Variants in VPS13B observed in about 807,000 individuals in gnomAD.
The protein encoded by VPS13B is vacuolar protein sorting 13 homolog B.
In VPS13B, 285 loss-of-function variants were observed where a neutral mutation model predicts 426.4. The ratio of observed to expected loss-of-function variants is 0.67; its 90% confidence interval spans 0.61 to 0.74. The LOEUF is 0.74. VPS13B is among the 30% of genes least tolerant of loss of function. The pLI, the probability that VPS13B is intolerant of heterozygous loss-of-function variation, is 0.00. For synonymous variants in VPS13B, 1,676 were observed against 1,676.4 expected, an observed-to-expected ratio of 1.00 and a Z score of 0.01; for missense variants, 4,537 against 4,782.6, an observed-to-expected ratio of 0.95 and a Z score of 1.51.
intron 3 of VPS13B, among the ~76,000 whole-genome samples, chr8:99,081,541 C>G (rs1845457540): frequency 6.6e-6 from 1 of 150,910 alleles, no homozygotes. Context: ...CGTCATTTAA[C>G]ATTAGGTATA....
chr8:99,474,899 A>G (rs1019178287), intron 24 of VPS13B, among the ~76,000 whole-genome samples: 1 of 152,216 alleles, frequency 6.6e-6, no homozygotes, highest in East Asian at 1.9e-4. Context: ...ACAGATGTAT[A>G]TAGCAGCTTT....
Position 99,778,987 on chromosome 8 carries a change from C to T in VPS13B, c.7735C>T (p.His2579Tyr), listed in dbSNP as rs1811879561. 6.2e-7 allele frequency: 1 copy of T among 1,613,678 alleles called. No individual in the cohort carries two copies. ...TTCTGTATTTGTAAACCTTGGACAG[C>T]ATGTAGTCCATTCACTAAACACTGC... ...VDSVFVNLGQ[H>Y]VVHSLNTAIQ... Residue 2579 changes from histidine (H) to tyrosine (Y), a missense_variant, in exon 42 of 62, where the codon CAT becomes TAT. Transcript: ENST00000357162.
At chr8:99,464,049 CAGCAATTTTGGCCTATTTATGTT>C (rs112122867) in intron 23 of VPS13B, among the ~76,000 whole-genome samples, 9,884 of 152,132 alleles carry the variant, frequency 0.065, 439 homozygotes, top group African/African-American at 0.12. Flanking sequence ...TAAACACTCT[CAGCAATTTTGGCCTATTTATGTT>C]TGTAGTACAT....
intron 19 of VPS13B, among the ~76,000 whole-genome samples, chr8:99,282,552 T>G (rs1819222498): frequency 6.6e-6 from 1 of 152,202 alleles, no homozygotes; most frequent in Non-Finnish European, 1.5e-5. Context: ...TCTATGAAAT[T>G]TCACCTAATT....
chr8:99,697,947 T>G, intron 35 of VPS13B: 1 of 418,208 alleles, frequency 2.4e-6, no homozygotes, highest in East Asian at 6.0e-5. Context: ...GCCAAGATTG[T>G]AGCGACCTTG....
In VPS13B at chr8:99,871,468, G is replaced by A. The variant is rs767465682; in HGVS notation, c.11516G>A (p.Gly3839Asp). Residue 3839 changes from glycine to aspartate, a missense_variant, in exon 61 of 62, where the codon GGC becomes GAC. Gly to Asp is a moderately conservative substitution (Grantham distance 94). This residue lies in a region of VPS13B where 4,311 missense variants were observed against 4,474.3 expected (regional missense o/e 0.96). Transcript: ENST00000357162. ...KYVWKMLQSL[G>D]RPEVHMALDV... Reference sequence around the variant, plus strand: ...AACAGGAAAATGCTTCAGTCTCTGGGCAGACCAGAAGTCCACATGGCCCTG... The same window carrying A: ...AACAGGAAAATGCTTCAGTCTCTGGACAGACCAGAAGTCCACATGGCCCTG... The A allele has an allele frequency of 6.2e-7, 1 of 1,614,190 alleles. No homozygotes were observed. The highest frequency in any genetic ancestry group is 1.1e-5 in the South Asian group (1 of 91,088).
At chr8:99,014,475 T>TA (rs1295281614) in intron 2 of VPS13B, among the ~76,000 whole-genome samples, 1 of 152,100 alleles carries the variant, frequency 6.6e-6, no homozygotes, top group Non-Finnish European at 1.5e-5. Flanking sequence ...TGGGATTACT[T>TA]AAAGTTGCTT....
intron 19 of VPS13B, among the ~76,000 whole-genome samples, chr8:99,375,967 G>A (rs1208694876): frequency 6.6e-6 from 1 of 152,192 alleles, no homozygotes; most frequent in Non-Finnish European, 1.5e-5. Context: ...CAAGAGGCAT[G>A]TATGTTTAAT....
At chr8:99,286,930 T>C (rs955101039) in intron 19 of VPS13B, among the ~76,000 whole-genome samples, 4 of 152,140 alleles carry the variant, frequency 2.6e-5, no homozygotes, top group African/African-American at 9.6e-5. Flanking sequence ...TTGATAATTC[T>C]GGGATAATTC....
At chr8:99,022,866 C>A (rs189893440) in intron 2 of VPS13B, among the ~76,000 whole-genome samples, 3 of 150,922 alleles carry the variant, frequency 2.0e-5, no homozygotes, top group African/African-American at 7.3e-5. Context: ...GAAAAGTGTC[C>A]CTCTTTTTTT....
chr8:99,742,012 T>C (rs1355176336), intron 39 of VPS13B, among the ~76,000 whole-genome samples: 4 of 152,072 alleles, frequency 2.6e-5, no homozygotes, highest in Non-Finnish European at 4.4e-5. Context: ...CAAAAAACCC[T>C]TCAGAAAATC....
chr8:99,143,757 A>C (rs1810555852), intron 13 of VPS13B, among the ~76,000 whole-genome samples: 1 of 152,222 alleles, frequency 6.6e-6, no homozygotes, highest in Admixed American at 6.5e-5. Context: ...AGTATCCTTA[A>C]GAAATTTAAT....
chr8:99,297,456 G>T (rs1820104411), intron 19 of VPS13B, among the ~76,000 whole-genome samples: 2 of 152,046 alleles, frequency 1.3e-5, no homozygotes, highest in Non-Finnish European at 1.5e-5. Flanking sequence ...TTAAATAATT[G>T]TTATATGAAT....
intron 16 of VPS13B, among the ~76,000 whole-genome samples, chr8:99,178,875 G>T (rs1227932113): frequency 2.6e-5 from 4 of 152,048 alleles, no homozygotes. Flanking sequence ...ACCCGCCTCG[G>T]CCTCCCAAAG....
At chr8:99,156,503 C>G (rs764560226) in intron 14 of VPS13B, 46 bp from the exon 15 acceptor site, 1 of 1,596,812 alleles carries the variant, frequency 6.3e-7, no homozygotes, top group Non-Finnish European at 8.6e-7. Flanking sequence ...GCAACTCAGT[C>G]ACTGCTCCAC....
chr8:99,025,096 A>G (rs1842069531), intron 2 of VPS13B, among the ~76,000 whole-genome samples: 1 of 151,954 alleles, frequency 6.6e-6, no homozygotes, highest in South Asian at 2.1e-4. Context: ...CTAGTTTGTT[A>G]TCGTTGTATG....
intron 22 of VPS13B, among the ~76,000 whole-genome samples, chr8:99,432,189 C>T (rs943087217): frequency 6.6e-6 from 1 of 151,970 alleles, no homozygotes; most frequent in Non-Finnish European, 1.5e-5. Context: ...TTTAACCTGA[C>T]TAAAATATAC....
chr8:99,832,659 TATG>T lies in VPS13B; in HGVS notation c.9614+8_9614+10del. On this transcript the variant is annotated splice_region_variant and intron_variant, in intron 52 of 61. Coordinates refer to ENST00000357162, the MANE Select transcript of VPS13B (RefSeq NM_152564.5). ...AAAATGGATTCTGTACCAGGTATTTTATGTTTATATAAATGTCTGTTCTTCTTT... is the reference window on the plus strand; with the variant it reads ...AAAATGGATTCTGTACCAGGTATTTTTTTATATAAATGTCTGTTCTTCTTT... 1.2e-6 allele frequency: 2 copies of T among 1,613,008 alleles called. No individual in the cohort carries two copies. The highest frequency in any genetic ancestry group is 1.7e-6 in the Non-Finnish European group (2 of 1,179,846).
At chr8:99,443,018 G>A (rs1020800471) in intron 23 of VPS13B, among the ~76,000 whole-genome samples, 27 of 152,014 alleles carry the variant, frequency 1.8e-4, no homozygotes, top group Admixed American at 4.6e-4. Context: ...AAATAATTGC[G>A]TGAATATATT....
Sources: gnomAD v4.1 joint callset for allele counts (sites outside exome capture counted in the v4.1 genomes callset) on GRCh38, gnomAD v4.1.1 for gene constraint, gnomAD v4.1.1 regional missense constraint, MANE v1.5 for transcripts, NCBI Gene and HGNC (gene_info 2026-07-23, HGNC 2026-07-21) for gene names.